ADARB2: variants seen among roughly 807,000 people sequenced by gnomAD.
The protein encoded by ADARB2 is adenosine deaminase RNA specific B2 (inactive).
ADARB2 carries 25 observed loss-of-function variants against 62.2 expected under a neutral mutation model. The ratio of observed to expected loss-of-function variants is 0.40; its 90% confidence interval spans 0.29 to 0.56. The LOEUF is 0.56. ADARB2 is among the 20% of genes least tolerant of loss of function. ADARB2 has a pLI of 0.43. For missense variants in ADARB2, 1,071 were observed against 1,077.4 expected (o/e 0.99, Z 0.08); for synonymous variants, 572 against 500.8 (o/e 1.14, Z -1.90).
chr10:1,584,949 G>A (rs1429746838), intron 1 of ADARB2, among the ~76,000 whole-genome samples: 3 of 152,210 alleles, frequency 2.0e-5, no homozygotes, highest in Non-Finnish European at 4.4e-5. Flanking sequence ...GGGTTTGGAG[G>A]AGGGGGAGGT....
At chr10:1,662,165 G>T (rs537686998) in intron 1 of ADARB2, among the ~76,000 whole-genome samples, 6 of 152,144 alleles carry the variant, frequency 3.9e-5, no homozygotes, top group Non-Finnish European at 8.8e-5. Flanking sequence ...TTCTTGGAAG[G>T]GTTATTGGCC....
chr10:1,588,761 A>G (rs1241584199), intron 1 of ADARB2, among the ~76,000 whole-genome samples: 4 of 152,324 alleles, frequency 2.6e-5, no homozygotes, highest in Middle Eastern at 3.4e-3. Flanking sequence ...TCTGGAGGCA[A>G]TGGGGTGTGG....
At chr10:1,312,585 C>T (rs982214581) in intron 3 of ADARB2, among the ~76,000 whole-genome samples, 7 of 152,222 alleles carry the variant, frequency 4.6e-5, no homozygotes, top group Admixed American at 2.0e-4. Flanking sequence ...ACTCCAGGTG[C>T]GGTGATAAGC....
intron 1 of ADARB2, among the ~76,000 whole-genome samples, chr10:1,444,012 CCCAT>C (rs766674526): frequency 0.014 from 2,134 of 150,644 alleles, 21 homozygotes; most frequent in East Asian, 0.027. Context: ...TGTCCATCCA[CCCAT>C]CCATCCATCC....
intron 3 of ADARB2, among the ~76,000 whole-genome samples, chr10:1,277,466 C>A (rs1473870656): frequency 1.3e-5 from 2 of 152,186 alleles, no homozygotes; most frequent in African/African-American, 2.4e-5. Flanking sequence ...TTAGAGAATA[C>A]TATAAACACC....
At chr10:1,671,799 C>T (rs1010679981) in intron 1 of ADARB2, among the ~76,000 whole-genome samples, 3 of 151,822 alleles carry the variant, frequency 2.0e-5, no homozygotes, top group Non-Finnish European at 4.4e-5. Flanking sequence ...GAATCTGCCA[C>T]AGACACTGAC....
intron 1 of ADARB2, among the ~76,000 whole-genome samples, chr10:1,472,004 C>T (rs770528322): frequency 6.6e-6 from 1 of 152,280 alleles, no homozygotes; most frequent in Non-Finnish European, 1.5e-5. Flanking sequence ...TTTATTTATG[C>T]TATAATTCAA....
At chr10:1,212,666 C>A (rs765827419) in intron 7 of ADARB2, among the ~76,000 whole-genome samples, 5 of 151,536 alleles carry the variant, frequency 3.3e-5, no homozygotes, top group Non-Finnish European at 5.9e-5. Flanking sequence ...ATGGCAGACA[C>A]CCTGCAGCTG....
At chr10:1,445,247 C>T (rs1448648755) in intron 1 of ADARB2, among the ~76,000 whole-genome samples, 5 of 150,554 alleles carry the variant, frequency 3.3e-5, no homozygotes, top group Non-Finnish European at 7.4e-5. Context: ...CATCCATCTA[C>T]ATCCATTCTT....
chr10:1,479,035 C>G (rs994978061), intron 1 of ADARB2, among the ~76,000 whole-genome samples: 4 of 152,176 alleles, frequency 2.6e-5, no homozygotes, highest in African/African-American at 9.7e-5. Context: ...GGCATAACAG[C>G]CAAGAGGGGA....
chr10:1,217,187 G>A (rs1564224093), intron 6 of ADARB2, 68 bp from the exon 7 acceptor site: 2 of 1,433,904 alleles, frequency 1.4e-6, no homozygotes, highest in Admixed American at 4.5e-5. Context: ...GGTGGGAGAA[G>A]AGGAAGGACT....
intron 1 of ADARB2, among the ~76,000 whole-genome samples, chr10:1,666,592 C>T (rs1248960432): frequency 6.6e-6 from 1 of 152,204 alleles, no homozygotes; most frequent in African/African-American, 2.4e-5. Flanking sequence ...CCTCCTGCAG[C>T]CGAGGGGGAA....
chr10:1,376,066 G>T (rs775182149), intron 2 of ADARB2, among the ~76,000 whole-genome samples: 2 of 151,412 alleles, frequency 1.3e-5, no homozygotes, highest in Non-Finnish European at 2.9e-5. Flanking sequence ...CATACCACAT[G>T]CATGAACACA....
At chr10:1,467,793 C>T (rs1357638185) in intron 1 of ADARB2, among the ~76,000 whole-genome samples, 2 of 152,182 alleles carry the variant, frequency 1.3e-5, no homozygotes, top group Admixed American at 6.5e-5. Flanking sequence ...TCCGTTATTC[C>T]ATCCTGTGCT....
intron 1 of ADARB2, among the ~76,000 whole-genome samples, chr10:1,561,262 T>C (rs1195574841): frequency 6.6e-6 from 1 of 152,188 alleles, no homozygotes; most frequent in East Asian, 1.9e-4. Context: ...GAGTGTGTAA[T>C]TGGCACGTGT....
chr10:1,570,750 A>G (rs1421234763), intron 1 of ADARB2, among the ~76,000 whole-genome samples: 1 of 152,118 alleles, frequency 6.6e-6, no homozygotes, highest in Non-Finnish European at 1.5e-5. Flanking sequence ...TGGTTATTGT[A>G]GTGGCTGGGA....
intron 4 of ADARB2, among the ~76,000 whole-genome samples, chr10:1,245,561 C>A (rs1448915204): frequency 2.1e-5 from 3 of 145,206 alleles, no homozygotes; most frequent in Non-Finnish European, 4.5e-5. Flanking sequence ...TTCTTCAATT[C>A]CCACCTATGA....
At position 1,592,385 on chromosome 10, in the gene ADARB2, TCGCCCAAGCCACCC is replaced by T. The variant is rs1833270745; in HGVS notation, c.100+144652_100+144665del. Among the ~76,000 whole-genome samples, 8 of 83,190 alleles carry T rather than the reference TCGCCCAAGCCACCC, an allele frequency of 9.6e-5. 3 individuals are homozygous for T. Among genetic ancestry groups the T allele is most frequent in the African/African-American group, 3.3e-4 (8 of 24,144 alleles). 54.6% of individuals were successfully genotyped at this position (83,190 alleles called of 152,430 possible). A position where few individuals can be genotyped will look rare whatever the true frequency, so the allele number is the denominator to read the frequency against. ...GGTCCCCTCTGTCACCCAGCTCCCT[TCGCCCAAGCCACCC>T]TCCATAGGTCTCCTCTCTGGCATGG... is the stretch of plus-strand genomic sequence containing the variant. On this transcript the variant is annotated intron_variant, in intron 1 of 9. Coordinates refer to ENST00000381312, the MANE Select transcript of ADARB2 (RefSeq NM_018702.4).
chr10:1,285,148 A>G (rs1242153901), intron 3 of ADARB2, among the ~76,000 whole-genome samples: 2 of 87,004 alleles, frequency 2.3e-5, no homozygotes, highest in African/African-American at 5.5e-5. Flanking sequence ...TATATGAAAA[A>G]GAGAGACATC....
Sources: gnomAD v4.1 joint callset for allele counts (sites outside exome capture counted in the v4.1 genomes callset) on GRCh38, gnomAD v4.1.1 for gene constraint, MANE v1.5 for transcripts, NCBI Gene and HGNC (gene_info 2026-07-23, HGNC 2026-07-21) for gene names.